Variants in NFATC4 observed in about 807,000 individuals in gnomAD.
NFATC4 encodes the protein nuclear factor of activated T cells 4.
In NFATC4, 25 loss-of-function variants were observed where a neutral mutation model predicts 73.4. The observed-to-expected ratio is 0.34, with a 90% CI of 0.25 to 0.48. The LOEUF (loss-of-function observed/expected upper bound fraction) is 0.48, where lower values mean the gene tolerates loss of function less well. Ranked by LOEUF, NFATC4 falls within the 20% of genes least tolerant of loss-of-function variation. The probability of loss-of-function intolerance (pLI) is 0.99; values close to 1 mark genes in which losing one functional copy is unlikely to be tolerated. For missense variants in NFATC4, 1,130 were observed against 1,203.7 expected (o/e 0.94, Z 0.91); for synonymous variants, 523 against 510.3 (o/e 1.02, Z -0.34).
chr14:24,376,593 C>G lies in NFATC4; in HGVS notation c.2356C>G (p.Pro786Ala), dbSNP rs374275387. Residue 786 changes from proline (P) to alanine (A), a missense_variant, in exon 9 of 10, where the codon CCC (proline) becomes GCC (alanine). Physicochemically the swap from Pro to Ala is conservative, Grantham distance 27. Transcript: ENST00000250373. The surrounding 1 kb of genome is among the most constrained non-coding windows in gnomAD (Gnocchi z 5.0). ...QPPAVSFLPR[P>A]FPSDPYGGRG... is the part of the protein sequence containing the mutation. ...ACCTGCAGTTTCCTTCCTTCCCCGC[C>G]CCTTCCCTAGTGACCCGTATGGAGG... is the stretch of plus-strand genomic sequence containing the variant. 3.7e-6 allele frequency: 6 copies of G among 1,613,836 alleles called. No homozygotes were observed. The highest frequency in any genetic ancestry group is 4.2e-6 in the Non-Finnish European group (5 of 1,179,980).
rs2042612885 is a variant in NFATC4 at position 24,376,298 on chromosome 14, C to A, written c.2061C>A (p.Ile687=). 1 of 1,568,118 alleles carries A rather than the reference C, an allele frequency of 6.4e-7. No homozygotes were observed. Among genetic ancestry groups the A allele is most frequent in the South Asian group, 1.2e-5 (1 of 83,054 alleles). The part of the protein sequence containing the change: ...PTQSFRFLPV[I]CKEEPLPDSS... ...TCCCACTTCCTGTCTTCCCAGTGATCTGCAAAGAGGAGCCCCTACCGGACT... is the reference window on the plus strand; with the variant it reads ...TCCCACTTCCTGTCTTCCCAGTGATATGCAAAGAGGAGCCCCTACCGGACT... Residue 687 remains isoleucine (I), a synonymous_variant, in exon 9 of 10, where the codon ATC becomes ATA. Transcript: ENST00000250373. The surrounding 1 kb of genome is among the most constrained non-coding windows in gnomAD (Gnocchi z 5.0).
chr14:24,370,853 T>C (rs2042457329), intron 2 of NFATC4, among the ~76,000 whole-genome samples: 1 of 152,082 alleles, frequency 6.6e-6, no homozygotes, highest in Non-Finnish European at 1.5e-5. Context: ...CCCCTAGCTA[T>C]TGTAGGAGGA....
intron 3 of NFATC4, 79 bp downstream of exon 3, chr14:24,372,682 C>T: frequency 6.5e-7 from 1 of 1,546,106 alleles, no homozygotes; most frequent in Non-Finnish European, 8.9e-7. Context: ...TGGCACTGCC[C>T]TTTCCCACAC....
Position 24,373,646 on chromosome 14 carries a change from CCATTTTGGCTT to C in NFATC4, c.1560-46_1560-36del. ...AACTTCCCTCTTTAGGGATGTATCACCATTTTGGCTTCAGCTAGGAGGGCTTGCCATCCATC... is the reference window on the plus strand; with the variant it reads ...AACTTCCCTCTTTAGGGATGTATCACCAGCTAGGAGGGCTTGCCATCCATC... On this transcript the variant is annotated intron_variant, in intron 4 of 9. Transcript: ENST00000250373. This position sits in a 1 kb window ranked among gnomAD's most constrained non-coding sequence, Gnocchi z 4.7. The C allele has an allele frequency of 3.2e-6, 5 of 1,570,138 alleles. No homozygotes were observed. Among genetic ancestry groups the C allele is most frequent in the Non-Finnish European group, 4.3e-6 (5 of 1,156,744 alleles).
At position 24,368,304 on chromosome 14, in the gene NFATC4, C is replaced by T; in HGVS notation, c.-37C>T. ...CAGCAGCCTCCTGAACTCCCCCCTC[C>T]CACCCAGGCCGGGACCTGGGGGCTC... is the stretch of plus-strand genomic sequence containing the variant. On this transcript the variant is annotated 5_prime_UTR_variant, in exon 1 of 10. Coordinates refer to ENST00000250373, the MANE Select transcript of NFATC4 (RefSeq NM_004554.5). 7.2e-7 allele frequency: 1 copy of T among 1,382,950 alleles called. No homozygotes were observed. Among genetic ancestry groups the T allele is most frequent in the Non-Finnish European group, 9.4e-7 (1 of 1,069,270 alleles). 85.7% of individuals were successfully genotyped at this position (1,382,950 alleles called of 1,614,324 possible).
rs771991273 is a variant in NFATC4, at chr14:24,369,642, C to T, written c.244C>T (p.Pro82Ser). The T allele has an allele frequency of 6.2e-6, 10 of 1,613,042 alleles. No individual in the cohort carries two copies. The East Asian group carries it at 2.2e-4, about 36-fold the overall frequency. ...HSPPPRPAPSPGTWESQPARS... is the reference protein window; with the variant it reads ...HSPPPRPAPSSGTWESQPARS... ...GCCACCGCCGCGACCAGCCCCCTCA[C>T]CTGGCACCTGGGAGAGCCAGCCCGC... Residue 82 changes from proline (P) to serine (S), a missense_variant, in exon 2 of 10, where the codon CCT (proline) becomes TCT (serine). Coordinates refer to ENST00000250373, the MANE Select transcript of NFATC4 (RefSeq NM_004554.5).
Position 24,373,766 on chromosome 14 carries a change from G to A in NFATC4, c.1631G>A (p.Gly544Glu). Reference protein sequence around the residue: ...IELRKGETDIGRKNTRVRLVF... With the variant: ...IELRKGETDIERKNTRVRLVF... ...CTTCGGAAGGGTGAGACGGACATCG[G>A]GCGCAAAAACACACGTGTACGGCTG... Residue 544 changes from glycine (G) to glutamate (E), a missense_variant, in exon 5 of 10, where the codon GGG becomes GAG. Coordinates refer to ENST00000250373, the MANE Select transcript of NFATC4 (RefSeq NM_004554.5). The surrounding 1 kb of genome is among the most constrained non-coding windows in gnomAD (Gnocchi z 4.7). 1 of 1,614,152 alleles carries A rather than the reference G, an allele frequency of 6.2e-7. No homozygotes were observed. The highest frequency in any genetic ancestry group is 8.5e-7 in the Non-Finnish European group (1 of 1,180,018).
rs959052955 is a variant in NFATC4, at chr14:24,369,601, G to A, written c.203G>A (p.Arg68Gln). The part of the protein sequence containing the change: ...PIGIPRPPPP[R>Q]PGMHSPPPRP... ...GGTATTCCCCGACCTCCACCCCCTCGGCCTGGCATGCATTCGCCACCGCCG... is the reference window on the plus strand; with the variant it reads ...GGTATTCCCCGACCTCCACCCCCTCAGCCTGGCATGCATTCGCCACCGCCG... The change falls in exon 2 of 10, where the codon CGG (arginine) becomes CAG (glutamine). Residue 68 changes from arginine to glutamine, a missense_variant. Physicochemically the swap from Arg to Gln is conservative, Grantham distance 43 (BLOSUM62 1). This residue lies in a region of NFATC4 where 585 missense variants were observed against 574.3 expected (regional missense o/e 1.02). Transcript: ENST00000250373. 1 of 1,613,248 alleles carries A rather than the reference G, an allele frequency of 6.2e-7. No homozygotes were observed. The highest frequency in any genetic ancestry group is 1.3e-5 in the African/African-American group (1 of 75,014).
rs2042407366 is a variant in NFATC4 at position 24,369,540 on chromosome 14, T to C, written c.142T>C (p.Leu48=). ...EDAPPCCRLA[L]GEPPPYGAAP... is the part of the protein sequence containing the mutation. ...TGCCCCGCCATGCTGCCGTCTGGCCTTGGGAGAGCCCCCTCCCTATGGCGC... is the reference window on the plus strand; with the variant it reads ...TGCCCCGCCATGCTGCCGTCTGGCCCTGGGAGAGCCCCCTCCCTATGGCGC... Residue 48 remains leucine, a synonymous_variant, in exon 2 of 10, where the codon TTG becomes CTG. Coordinates refer to ENST00000250373, the MANE Select transcript of NFATC4 (RefSeq NM_004554.5). 2 of 1,610,102 alleles carry C rather than the reference T, an allele frequency of 1.2e-6. No individual in the cohort carries two copies. Among genetic ancestry groups the C allele is most frequent in the Non-Finnish European group, 8.5e-7 (1 of 1,177,322 alleles).
At position 24,370,370 on chromosome 14, in the gene NFATC4, G is replaced by A; in HGVS notation, c.972G>A (p.Glu324=). The A allele has an allele frequency of 6.2e-7, 1 of 1,613,938 alleles. No homozygotes were observed. ...ACTATGTGGGGGCCCCACCAGCTGA[G>A]AGCATCCCTCAGAAGACACGGCGGA... is the stretch of plus-strand genomic sequence containing the variant. ...PFDYVGAPPA[E]SIPQKTRRTS... The change falls in exon 2 of 10, where the codon GAG becomes GAA. Residue 324 remains glutamate, a synonymous_variant. Transcript: ENST00000250373.
In NFATC4 at chr14:24,370,601, G is replaced by T. The variant is rs111575647; in HGVS notation, c.1196+7G>T. The T allele has an allele frequency of 2.0e-5, 32 of 1,598,962 alleles. No homozygotes were observed. In the African/African-American group the frequency reaches 2.1e-4, roughly 11 times the overall value. ...GACACAGCCCTATCTTCAGGTGAGGGTTGCGCCTGGCACTACCGCTCTCTC... is the reference window on the plus strand; with the variant it reads ...GACACAGCCCTATCTTCAGGTGAGGTTTGCGCCTGGCACTACCGCTCTCTC... On this transcript the variant is annotated splice_region_variant and intron_variant, in intron 2 of 9. Transcript: ENST00000250373.
At chr14:24,369,062 C>T in intron 1 of NFATC4, 4 of 1,395,170 alleles carry the variant, frequency 2.9e-6, no homozygotes, top group Non-Finnish European at 3.7e-6. Flanking sequence ...ACAGCCCTGA[C>T]GCCCCCCTCC....
chr14:24,368,360 AG>A lies in NFATC4; in HGVS notation c.22del (p.Asp8MetfsTer86). On this transcript the variant is annotated frameshift_variant, in exon 1 of 10. Transcript: ENST00000250373. LOFTEE classifies it high-confidence loss of function. ...GGATCCATGGGGGCGGCCAGCTGCGAGGATGAGGAGCTGGAATTTAAGCTGG... is the reference window on the plus strand; with the variant it reads ...GGATCCATGGGGGCGGCCAGCTGCGAGATGAGGAGCTGGAATTTAAGCTGG... MGAASC[E>X]DEELEFKLVF... 1 of 1,379,934 alleles carries A rather than the reference AG, an allele frequency of 7.2e-7. No individual in the cohort carries two copies. Among genetic ancestry groups the A allele is most frequent in the Non-Finnish European group, 9.4e-7 (1 of 1,068,282 alleles). The allele number at this position is 1,379,934 out of a possible 1,614,324, so 85.5% of individuals were successfully genotyped here. A position where few individuals can be genotyped will look rare whatever the true frequency, so the allele number is the denominator to read the frequency against.
intron 7 of NFATC4, 42 bp downstream of exon 7, chr14:24,375,757 G>GGGGGGGGGGGGGC: frequency 3.5e-6 from 2 of 566,430 alleles, no homozygotes; most frequent in Non-Finnish European, 6.6e-6. Flanking sequence ...GCGGGGGTGG[G>GGGGGGGGGGGGGC]AGAAGGCAGG....
rs1393367804 is a variant in NFATC4, at chr14:24,370,078, C to G, written c.680C>G (p.Pro227Arg). The G allele has an allele frequency of 1.9e-6, 3 of 1,605,370 alleles. No individual in the cohort carries two copies. The highest frequency in any genetic ancestry group is 2.5e-6 in the Non-Finnish European group (3 of 1,179,828). ...SPRASPRPWT[P>R]EDPWSLYGPS... ...CGGGCCTCCCCTCGGCCATGGACCCCCGAAGATCCCTGGAGCCTGTATGGT... is the reference window on the plus strand; with the variant it reads ...CGGGCCTCCCCTCGGCCATGGACCCGCGAAGATCCCTGGAGCCTGTATGGT... Residue 227 changes from proline (P) to arginine (R), a missense_variant, in exon 2 of 10, where the codon CCC becomes CGC. Pro to Arg is a moderately radical substitution (Grantham distance 103). Around this residue, in one of 3 missense-constraint regions of NFATC4, gnomAD observed 585 missense variants for 574.3 expected, o/e 1.02. Transcript: ENST00000250373.
At chr14:24,374,126 T>C in intron 5 of NFATC4, 200 bp from the exon 6 acceptor site, 1 of 891,642 alleles carries the variant, frequency 1.1e-6, no homozygotes, top group Non-Finnish European at 1.8e-6. Flanking sequence ...GTCTACCCTG[T>C]TTAACCCTCT....
Position 24,370,430 on chromosome 14 carries a change from T to C in NFATC4, c.1032T>C (p.Ser344=). Residue 344 remains serine, a synonymous_variant, in exon 2 of 10, where the codon TCT becomes TCC. Transcript: ENST00000250373. ...SSEQAVALPR[S]EEPASCNGKL... is the part of the protein sequence containing the mutation. Reference sequence around the variant, plus strand: ...AGCAGGCAGTGGCTCTGCCTCGGTCTGAGGAGCCTGCCTCATGCAATGGGA... The same window carrying C: ...AGCAGGCAGTGGCTCTGCCTCGGTCCGAGGAGCCTGCCTCATGCAATGGGA... The C allele has an allele frequency of 6.2e-7, 1 of 1,614,092 alleles. No homozygotes were observed. Among genetic ancestry groups the C allele is most frequent in the Non-Finnish European group, 8.5e-7 (1 of 1,180,030 alleles).
At position 24,378,561 on chromosome 14, in the gene NFATC4, C is replaced by CCT. The variant is rs1234196267; in HGVS notation, c.*859_*860dup. On this transcript the variant is annotated 3_prime_UTR_variant, in exon 10 of 10. Coordinates refer to ENST00000250373, the MANE Select transcript of NFATC4 (RefSeq NM_004554.5). ...GACACGCTGACTCAGGAGGTCCAGG[C>CCT]CTCTAAGGCTTCTCTCCCTGGAGTG... The CCT allele has an allele frequency of 6.5e-6, 1 of 152,794 alleles. No homozygotes were observed. The highest frequency in any genetic ancestry group is 2.4e-5 in the African/African-American group (1 of 41,432). 9.5% of individuals were successfully genotyped at this position (152,794 alleles called of 1,614,324 possible).
At position 24,374,375 on chromosome 14, in the gene NFATC4, T is replaced by A. The variant is rs1254826152; in HGVS notation, c.1782T>A (p.Ser594Arg). 1 of 1,613,996 alleles carries A rather than the reference T, an allele frequency of 6.2e-7. No homozygotes were observed. The highest frequency in any genetic ancestry group is 8.5e-7 in the Non-Finnish European group (1 of 1,179,986). ...ELPQVEAYSP[S>R]ACSVRGGEEL... ...CCCAGGTGGAGGCCTACAGCCCCAG[T>A]GCCTGCTCTGTGAGAGGAGGCGAGG... Residue 594 changes from serine (S) to arginine (R), a missense_variant, in exon 6 of 10, where the codon AGT becomes AGA. Transcript: ENST00000250373.
Sources: gnomAD v4.1 joint callset for allele counts (sites outside exome capture counted in the v4.1 genomes callset) on GRCh38, gnomAD v4.1.1 for gene constraint, gnomAD v4.1.1 regional missense constraint, Gnocchi (gnomAD v3.1) non-coding constraint, MANE v1.5 for transcripts, NCBI Gene and HGNC (gene_info 2026-07-23, HGNC 2026-07-21) for gene names.